ATP6V1H: variants seen among roughly 807,000 people sequenced by gnomAD.
ATP6V1H encodes the protein ATPase H+ transporting V1 subunit H.
In ATP6V1H, 39 loss-of-function variants were observed where a neutral mutation model predicts 71.7. The observed-to-expected ratio is 0.54, with a 90% CI of 0.42 to 0.71. The LOEUF is 0.71. ATP6V1H is among the 30% of genes least tolerant of loss of function. The pLI is 0.00. For synonymous variants in ATP6V1H, 192 were observed against 199.3 expected, an observed-to-expected ratio of 0.96 and a Z score of 0.31; for missense variants, 509 against 594.9, an observed-to-expected ratio of 0.86 and a Z score of 1.50.
intron 2 of ATP6V1H, chr8:53,839,642 G>C (rs1811281942): frequency 1.0e-6 from 1 of 985,354 alleles, no homozygotes; most frequent in Non-Finnish European, 1.2e-6. Context: ...GCTGCTAGTA[G>C]AACAATTCAA....
chr8:53,757,142 T>C (rs1015585644), intron 11 of ATP6V1H, among the ~76,000 whole-genome samples: 5 of 152,154 alleles, frequency 3.3e-5, no homozygotes, highest in Admixed American at 6.5e-5. Context: ...AACAGTGAAG[T>C]CCATAACAGC....
intron 8 of ATP6V1H, among the ~76,000 whole-genome samples, chr8:53,800,224 G>T (rs1323696982): frequency 6.6e-6 from 1 of 152,162 alleles, no homozygotes; most frequent in Admixed American, 6.6e-5. Flanking sequence ...TACTCAGCCT[G>T]TGTCTTTGTC....
intron 9 of ATP6V1H, among the ~76,000 whole-genome samples, chr8:53,780,017 G>A (rs1291049177): frequency 1.3e-5 from 2 of 152,024 alleles, no homozygotes; most frequent in African/African-American, 4.8e-5. Context: ...AAATTAGCCA[G>A]GCGTGGTGCT....
In ATP6V1H at chr8:53,843,128, G is replaced by C. The variant is rs1811398332; in HGVS notation, c.-130C>G. ...ACAGCCGGGCTGGGGCGCCGCGTCA[G>C]AGCCAAGTAGGCGTCTCCTGTCAGG... On this transcript the variant is annotated 5_prime_UTR_variant, in exon 1 of 14. Coordinates refer to ENST00000359530, the MANE Select transcript of ATP6V1H (RefSeq NM_015941.4). 1 of 152,414 alleles carries C rather than the reference G, an allele frequency of 6.6e-6. No individual in the cohort carries two copies. The highest frequency in any genetic ancestry group is 2.4e-5 in the African/African-American group (1 of 41,472). 9.4% of individuals were successfully genotyped at this position (152,414 alleles called of 1,614,324 possible). A position where few individuals can be genotyped will look rare whatever the true frequency, so the allele number is the denominator to read the frequency against.
intron 12 of ATP6V1H, among the ~76,000 whole-genome samples, chr8:53,744,733 A>G (rs1216490613): frequency 6.6e-6 from 1 of 152,188 alleles, no homozygotes; most frequent in East Asian, 1.9e-4. Context: ...TGAGGGGAAA[A>G]AAAAGAACAT....
chr8:53,797,410 C>T (rs1287217785), intron 8 of ATP6V1H, among the ~76,000 whole-genome samples: 1 of 152,198 alleles, frequency 6.6e-6, no homozygotes, highest in Non-Finnish European at 1.5e-5. Context: ...AGCCTCATCA[C>T]ATTTCCTCAA....
Position 53,772,133 on chromosome 8 carries a change from C to G in ATP6V1H, c.905G>C (p.Arg302Pro). 1 of 1,612,946 alleles carries G rather than the reference C, an allele frequency of 6.2e-7. No homozygotes were observed. The highest frequency in any genetic ancestry group is 1.1e-5 in the South Asian group (1 of 90,722). The change falls in exon 10 of 14, where the codon CGC becomes CCC. Residue 302 changes from arginine (R) to proline (P), a missense_variant. This residue lies in a region of ATP6V1H where 212 missense variants were observed against 291.6 expected (regional missense o/e 0.73). Coordinates refer to ENST00000359530, the MANE Select transcript of ATP6V1H (RefSeq NM_015941.4). Reference protein sequence around the residue: ...FLEKSTERETRQEYALAMIQC... With the variant: ...FLEKSTERETPQEYALAMIQC... ...AATCATAGCCAGGGCATATTCTTGG[C>G]GAGTTTCTCTTTCAGTTGATTTTTC...
intron 2 of ATP6V1H, chr8:53,839,643 A>G: frequency 1.0e-6 from 1 of 985,474 alleles, no homozygotes; most frequent in Non-Finnish European, 1.2e-6. Flanking sequence ...CTGCTAGTAG[A>G]ACAATTCAAT....
At chr8:53,800,605 T>C (rs912245118) in intron 8 of ATP6V1H, among the ~76,000 whole-genome samples, 1 of 152,140 alleles carries the variant, frequency 6.6e-6, no homozygotes, top group Non-Finnish European at 1.5e-5. Context: ...AAAAAGGAAA[T>C]ATAGTATTCT....
chr8:53,730,101 T>C (rs1364158935), intron 13 of ATP6V1H, among the ~76,000 whole-genome samples: 1 of 152,180 alleles, frequency 6.6e-6, no homozygotes, highest in East Asian at 1.9e-4. Context: ...AGCCTGGCTA[T>C]GAATGTAGAA....
intron 13 of ATP6V1H, among the ~76,000 whole-genome samples, chr8:53,720,332 T>C (rs1370455308): frequency 2.0e-5 from 3 of 152,188 alleles, no homozygotes; most frequent in African/African-American, 7.2e-5. Flanking sequence ...CATAAACGGC[T>C]CACAAAAGAG....
intron 11 of ATP6V1H, among the ~76,000 whole-genome samples, chr8:53,759,425 AGTTAAGT>A (rs1373985389): frequency 3.3e-5 from 5 of 152,270 alleles, no homozygotes; most frequent in African/African-American, 1.2e-4. Flanking sequence ...CTCTGAATAC[AGTTAAGT>A]CAACAATAGA....
At chr8:53,837,172 T>C (rs942736029) in intron 2 of ATP6V1H, among the ~76,000 whole-genome samples, 1 of 151,322 alleles carries the variant, frequency 6.6e-6, no homozygotes, top group Non-Finnish European at 1.5e-5. Flanking sequence ...GTGAATAGGA[T>C]AGAAAAACCT....
At position 53,772,182 on chromosome 8, in the gene ATP6V1H, G is replaced by C; in HGVS notation, c.871-15C>G. 6.3e-7 allele frequency: 1 copy of C among 1,589,122 alleles called. No individual in the cohort carries two copies. Among genetic ancestry groups the C allele is most frequent in the Non-Finnish European group, 8.6e-7 (1 of 1,164,142 alleles). ...TCTAAAAAGTTCTGGGTTAGACAAA[G>C]TGATAGTGAGAAACTATACAATTTG... is the stretch of plus-strand genomic sequence containing the variant. On this transcript the variant is annotated splice_polypyrimidine_tract_variant and intron_variant, in intron 9 of 13. Coordinates refer to ENST00000359530, the MANE Select transcript of ATP6V1H (RefSeq NM_015941.4).
rs138456635 is a variant in ATP6V1H, at chr8:53,787,026, T to C, written c.870+8621A>G. Among the ~76,000 whole-genome samples, 339 of 152,364 alleles carry C rather than the reference T, an allele frequency of 2.2e-3. 2 individuals carry two copies. The highest frequency in any genetic ancestry group is 7.9e-3 in the African/African-American group (328 of 41,588). On this transcript the variant is annotated intron_variant, in intron 9 of 13. Coordinates refer to ENST00000359530, the MANE Select transcript of ATP6V1H (RefSeq NM_015941.4). Reference sequence around the variant, plus strand: ...AAATACAAGTTCAATTTTCATATTATAAAATTCAATAAATCATTATTCTGT... The same window carrying C: ...AAATACAAGTTCAATTTTCATATTACAAAATTCAATAAATCATTATTCTGT...
rs146106062 is a variant in ATP6V1H, at chr8:53,730,271, G to A, written c.1391+13306C>T. On this transcript the variant is annotated intron_variant, in intron 13 of 13. Transcript: ENST00000359530. The stretch of plus-strand genomic sequence containing the variant: ...GTCTCCTTATATTTAAGCTAACTTC[G>A]GTAGGTATTTGTTTCTTGTAAACAA... Among the ~76,000 whole-genome samples, 304 of 152,200 alleles carry A rather than the reference G, an allele frequency of 2.0e-3. 2 individuals carry two copies. Among genetic ancestry groups the A allele is most frequent in the African/African-American group, 7.1e-3 (293 of 41,528 alleles).
At chr8:53,733,229 C>T (rs972761984) in intron 13 of ATP6V1H, among the ~76,000 whole-genome samples, 7 of 152,222 alleles carry the variant, frequency 4.6e-5, no homozygotes, top group African/African-American at 1.7e-4. Flanking sequence ...ACTTGAAGGA[C>T]GCTTTCTTTA....
chr8:53,801,987 T>C (rs1236489407), intron 7 of ATP6V1H, 91 bp from the exon 8 acceptor site: 2 of 1,110,038 alleles, frequency 1.8e-6, no homozygotes, highest in African/African-American at 3.1e-5. Flanking sequence ...TCAGATTACC[T>C]ACTGGAATTA....
chr8:53,833,583 C>T (rs1166149436), intron 2 of ATP6V1H, among the ~76,000 whole-genome samples: 1 of 151,868 alleles, frequency 6.6e-6, no homozygotes, highest in Non-Finnish European at 1.5e-5. Flanking sequence ...TGATTTTCCT[C>T]CTCTCTGGAA....
Sources: gnomAD v4.1 joint callset for allele counts (sites outside exome capture counted in the v4.1 genomes callset) on GRCh38, gnomAD v4.1.1 for gene constraint, gnomAD v4.1.1 regional missense constraint, MANE v1.5 for transcripts, NCBI Gene and HGNC (gene_info 2026-07-23, HGNC 2026-07-21) for gene names.